The following LDAH variants were observed in gnomAD, a reference collection of about 807,000 sequenced individuals.
LDAH encodes the protein lipid droplet associated hydrolase, also known as lipid droplet-associated hydrolase.
A neutral mutation model predicts 29.6 loss-of-function variants in LDAH; 26 were observed. That is an observed-to-expected ratio of 0.88 (90% confidence interval 0.64 to 1.22). The LOEUF (loss-of-function observed/expected upper bound fraction) is 1.22. LDAH is among the 50% of genes most tolerant of loss of function. The probability of loss-of-function intolerance (pLI) is 0.00; values close to 1 mark genes in which losing one functional copy is unlikely to be tolerated. For missense variants in LDAH, 344 were observed against 387.3 expected (o/e 0.89, Z 0.94); for synonymous variants, 117 against 133.0 (o/e 0.88, Z 0.83).
At chr2:20,770,315 AAAT>A (rs1257884442) in intron 4 of LDAH, among the ~76,000 whole-genome samples, 1 of 152,212 alleles carries the variant, frequency 6.6e-6, no homozygotes, top group Non-Finnish European at 1.5e-5. Flanking sequence ...ACAGAAGGCC[AAAT>A]AATATAAAAA....
At chr2:20,718,778 C>T (rs939151383) in intron 5 of LDAH, among the ~76,000 whole-genome samples, 1 of 152,014 alleles carries the variant, frequency 6.6e-6, no homozygotes, top group African/African-American at 2.4e-5. Context: ...CAAAAAGTCT[C>T]AACAAATTTA....
chr2:20,790,161 G>C, intron 3 of LDAH, 94 bp downstream of exon 3: 4 of 1,317,494 alleles, frequency 3.0e-6, no homozygotes, highest in Non-Finnish European at 4.2e-6. Flanking sequence ...ACAAGCAGAG[G>C]TTTCCACTGG....
At chr2:20,792,551 T>C (rs1440204624) in intron 2 of LDAH, among the ~76,000 whole-genome samples, 1 of 152,176 alleles carries the variant, frequency 6.6e-6, no homozygotes, top group African/African-American at 2.4e-5. Context: ...CTTGTTTTAG[T>C]TAGTCTTACA....
chr2:20,750,319 C>T (rs1203206702), intron 4 of LDAH, among the ~76,000 whole-genome samples: 1 of 152,176 alleles, frequency 6.6e-6, no homozygotes, highest in Non-Finnish European at 1.5e-5. Flanking sequence ...AGCCACTGTG[C>T]CCGGGCTGCC....
chr2:20,816,777 C>A lies in LDAH; in HGVS notation c.-3+6260G>T, dbSNP rs558653027. Among the ~76,000 whole-genome samples, 9 of 152,102 alleles carry A rather than the reference C, an allele frequency of 5.9e-5. No individual in the cohort carries two copies. The East Asian group carries it at 1.7e-3, about 29-fold the overall frequency. ...AACCAATAATAACAGAATACACATT[C>A]TTTTCAAGCATACATGGAACATCCA... On this transcript the variant is annotated intron_variant, in intron 1 of 6. Coordinates refer to ENST00000237822, the MANE Select transcript of LDAH (RefSeq NM_021925.4).
chr2:20,747,396 C>A (rs1291412872), intron 4 of LDAH, among the ~76,000 whole-genome samples: 1 of 151,928 alleles, frequency 6.6e-6, no homozygotes, highest in African/African-American at 2.4e-5. Context: ...AGAAAACAAA[C>A]AAAAAAATAG....
At chr2:20,722,390 A>T (rs1250883853) in intron 5 of LDAH, among the ~76,000 whole-genome samples, 2 of 151,458 alleles carry the variant, frequency 1.3e-5, no homozygotes, top group Non-Finnish European at 3.0e-5. Context: ...AAAAAAAAAA[A>T]AAAAAAAAAA....
At chr2:20,781,807 T>C (rs1670215081) in intron 3 of LDAH, among the ~76,000 whole-genome samples, 1 of 152,170 alleles carries the variant, frequency 6.6e-6, no homozygotes. Context: ...TCTCACCCTC[T>C]CCAGAAACCA....
chr2:20,795,858 T>C (rs1671267370), intron 2 of LDAH, among the ~76,000 whole-genome samples: 1 of 151,918 alleles, frequency 6.6e-6, no homozygotes, highest in Non-Finnish European at 1.5e-5. Flanking sequence ...GGACATAACA[T>C]GGTGTCCATA....
chr2:20,789,280 G>A (rs747547822), intron 3 of LDAH: 22 of 1,550,280 alleles, frequency 1.4e-5, no homozygotes, highest in African/African-American at 1.2e-4. Flanking sequence ...GGTAGAGCCC[G>A]CGAGAGTCCC....
At chr2:20,742,377 C>A (rs1345093601) in intron 4 of LDAH, among the ~76,000 whole-genome samples, 1 of 152,136 alleles carries the variant, frequency 6.6e-6, no homozygotes, top group Admixed American at 6.5e-5. Flanking sequence ...TGGATCTGTC[C>A]ATTTCTGATA....
chr2:20,751,798 T>G (rs1344855491), intron 4 of LDAH, among the ~76,000 whole-genome samples: 1 of 152,220 alleles, frequency 6.6e-6, no homozygotes, highest in Admixed American at 6.5e-5. Flanking sequence ...AAATTGTAAT[T>G]TGCTTAGAGC....
At position 20,684,116 on chromosome 2, in the gene LDAH, C is replaced by T. The variant is rs1295925607; in HGVS notation, c.*2787G>A. ...TGCAAGTACAAAGAACATTATTTTC[C>T]CCTCAACCATCTGACAGTAAACAGA... On this transcript the variant is annotated 3_prime_UTR_variant, in exon 7 of 7. Coordinates refer to ENST00000237822, the MANE Select transcript of LDAH (RefSeq NM_021925.4). The T allele has an allele frequency of 6.6e-6, 1 of 152,164 alleles. No individual in the cohort carries two copies. The highest frequency in any genetic ancestry group is 2.4e-5 in the African/African-American group (1 of 41,434). 9.4% of individuals were successfully genotyped at this position (152,164 alleles called of 1,614,324 possible).
At chr2:20,787,761 A>G (rs868848415) in intron 3 of LDAH, among the ~76,000 whole-genome samples, 15 of 152,300 alleles carry the variant, frequency 9.8e-5, no homozygotes, top group East Asian at 7.7e-4. Context: ...AAGCAAATAA[A>G]TGTTGAAAAA....
chr2:20,782,717 C>CG (rs1306591293), intron 3 of LDAH, among the ~76,000 whole-genome samples: 1 of 152,100 alleles, frequency 6.6e-6, no homozygotes, highest in African/African-American at 2.4e-5. Flanking sequence ...CTTTCTCCCC[C>CG]CTTGGTTAGC....
At chr2:20,816,666 A>T (rs769444869) in intron 1 of LDAH, among the ~76,000 whole-genome samples, 2 of 152,098 alleles carry the variant, frequency 1.3e-5, no homozygotes, top group Non-Finnish European at 2.9e-5. Context: ...AGCAACGAAA[A>T]TAACTATTAG....
intron 5 of LDAH, among the ~76,000 whole-genome samples, chr2:20,731,546 T>C (rs1030105119): frequency 2.0e-5 from 3 of 152,208 alleles, no homozygotes; most frequent in Non-Finnish European, 4.4e-5. Context: ...GTTTACTATG[T>C]TGAGTCTTCC....
intron 4 of LDAH, among the ~76,000 whole-genome samples, chr2:20,749,732 A>G (rs1667827667): frequency 6.6e-6 from 1 of 152,246 alleles, no homozygotes; most frequent in African/African-American, 2.4e-5. Flanking sequence ...TGGGAATATA[A>G]GCAGTTAACT....
At chr2:20,704,632 C>T (rs981523107) in intron 5 of LDAH, among the ~76,000 whole-genome samples, 2 of 152,092 alleles carry the variant, frequency 1.3e-5, no homozygotes, top group Non-Finnish European at 2.9e-5. Context: ...AAAAGATAAA[C>T]AATAAAATAA....
Sources: allele counts gnomAD v4.1 joint callset (sites outside exome capture counted in the v4.1 genomes callset), GRCh38; gene constraint gnomAD v4.1.1; transcripts MANE v1.5; gene names NCBI Gene and HGNC (gene_info 2026-07-23, HGNC 2026-07-21).